TRAPPC9: variants seen among roughly 807,000 people sequenced by gnomAD.
TRAPPC9 encodes IKK2 binding protein.
Under a neutral mutation model 124.0 loss-of-function variants are expected in TRAPPC9, and 83 were observed. That is an observed-to-expected ratio of 0.67 (90% confidence interval 0.56 to 0.80). TRAPPC9 has a LOEUF of 0.80. Among genes scored for constraint, TRAPPC9 ranks in the 30% least tolerant of loss-of-function variants. The pLI, the probability that TRAPPC9 is intolerant of heterozygous loss-of-function variation, is 0.00. For missense variants in TRAPPC9, 1,302 were observed against 1,508.3 expected (o/e 0.86, Z 2.27); for synonymous variants, 638 against 617.5 (o/e 1.03, Z -0.49).
rs535416622 is a variant in TRAPPC9, at chr8:140,271,580, G to GA, written c.2278+4077dup. Among the ~76,000 whole-genome samples the GA allele has an allele frequency of 9.9e-5, 15 of 152,164 alleles. 1 individual carries two copies. The South Asian group carries it at 1.7e-3, about 17-fold the overall frequency. On this transcript the variant is annotated intron_variant, in intron 15 of 22. Coordinates refer to ENST00000438773, the MANE Select transcript of TRAPPC9 (RefSeq NM_001160372.4). Reference sequence around the variant, plus strand: ...GAGAGAGAGAAGACAACCAATGGGGGAAAAAAGGGCAAAGTCCTCATACAA... The same window carrying GA: ...GAGAGAGAGAAGACAACCAATGGGGGAAAAAAAGGGCAAAGTCCTCATACAA...
chr8:139,752,565 C>G (rs946540376), intron 21 of TRAPPC9, among the ~76,000 whole-genome samples: 1 of 149,252 alleles, frequency 6.7e-6, no homozygotes, highest in African/African-American at 2.5e-5. Context: ...CCACCATGTA[C>G]CCACCATCAA....
At chr8:140,335,705 A>ATTTTTT (rs10622473) in intron 9 of TRAPPC9, among the ~76,000 whole-genome samples, 16 of 131,692 alleles carry the variant, frequency 1.2e-4, no homozygotes, top group South Asian at 2.4e-4. Flanking sequence ...AGTCTTCACA[A>ATTTTTT]TTTTTTTTTT....
chr8:139,864,937 C>T (rs977658787), intron 21 of TRAPPC9, among the ~76,000 whole-genome samples: 3 of 152,194 alleles, frequency 2.0e-5, no homozygotes, highest in African/African-American at 4.8e-5. Flanking sequence ...CCATGAGCTC[C>T]GCAGGAACCA....
rs142048892 is a variant in TRAPPC9 at position 139,885,946 on chromosome 8, C to G, written c.2988G>C (p.Glu996Asp). The change falls in exon 21 of 23, where the codon GAG becomes GAC. Residue 996 changes from glutamate (E) to aspartate (D), a missense_variant. Glu to Asp is a conservative substitution (Grantham distance 45). This residue lies in a region of TRAPPC9 where 640 missense variants were observed against 679.3 expected (regional missense o/e 0.94). Transcript: ENST00000438773. ...WRIPSLKRSGEASVEGLLNQL... is the reference protein window; with the variant it reads ...WRIPSLKRSGDASVEGLLNQL... Reference sequence around the variant, plus strand: ...GGTTCAGGAGTCCTTCCACACTCGCCTCGCCACTGCGCTTCAGGGAGGGGT... The same window carrying G: ...GGTTCAGGAGTCCTTCCACACTCGCGTCGCCACTGCGCTTCAGGGAGGGGT... The G allele has an allele frequency of 6.4e-7, 1 of 1,570,188 alleles. No individual in the cohort carries two copies. The highest frequency in any genetic ancestry group is 1.9e-5 in the Admixed American group (1 of 53,854).
chr8:140,174,513 G>A (rs1012111293), intron 17 of TRAPPC9, among the ~76,000 whole-genome samples: 4 of 152,110 alleles, frequency 2.6e-5, no homozygotes, highest in Non-Finnish European at 4.4e-5. Context: ...TAATTTCGGA[G>A]TATTTCCATC....
chr8:140,092,354 C>T (rs1426215928), intron 17 of TRAPPC9, among the ~76,000 whole-genome samples: 1 of 151,830 alleles, frequency 6.6e-6, no homozygotes, highest in Non-Finnish European at 1.5e-5. Context: ...CCCGATGCCA[C>T]GCGAGGCTAA....
At chr8:140,334,697 T>C (rs2066989928) in intron 9 of TRAPPC9, among the ~76,000 whole-genome samples, 1 of 151,574 alleles carries the variant, frequency 6.6e-6, no homozygotes, top group Non-Finnish European at 1.5e-5. Context: ...AAGTTCCACA[T>C]GTATTGACTA....
At chr8:139,857,049 G>A (rs545649837) in intron 21 of TRAPPC9, among the ~76,000 whole-genome samples, 7 of 152,090 alleles carry the variant, frequency 4.6e-5, no homozygotes, top group Non-Finnish European at 8.8e-5. Flanking sequence ...GAATCTGGGC[G>A]GGGGGAGCTG....
chr8:140,118,412 A>G (rs2060928023), intron 17 of TRAPPC9, among the ~76,000 whole-genome samples: 1 of 152,256 alleles, frequency 6.6e-6, no homozygotes, highest in Admixed American at 6.5e-5. Context: ...AGATTCCGTT[A>G]GTAGTCAAAG....
chr8:140,267,076 C>T (rs925602649), intron 15 of TRAPPC9, among the ~76,000 whole-genome samples: 1 of 151,904 alleles, frequency 6.6e-6, no homozygotes, highest in South Asian at 2.1e-4. Flanking sequence ...GTCAGGAAAG[C>T]GAAGATGAGA....
chr8:139,851,650 A>G (rs1827472355), intron 21 of TRAPPC9, among the ~76,000 whole-genome samples: 1 of 152,106 alleles, frequency 6.6e-6, no homozygotes. Flanking sequence ...GGAAAACCGA[A>G]CCCAACGTTC....
intron 17 of TRAPPC9, among the ~76,000 whole-genome samples, chr8:140,136,188 A>T (rs2061300693): frequency 6.6e-6 from 1 of 151,708 alleles, no homozygotes; most frequent in African/African-American, 2.4e-5. Flanking sequence ...TGGCTTAGGG[A>T]CCAGTGGGCA....
chr8:140,176,890 T>C (rs377677399), intron 17 of TRAPPC9, among the ~76,000 whole-genome samples: 1 of 152,352 alleles, frequency 6.6e-6, no homozygotes, highest in African/African-American at 2.4e-5. Context: ...AGTTTGCATT[T>C]CCTTACTGAC....
chr8:140,401,085 G>A (rs796585124), intron 6 of TRAPPC9, among the ~76,000 whole-genome samples: 1 of 152,248 alleles, frequency 6.6e-6, no homozygotes, highest in African/African-American at 2.4e-5. Context: ...CTTTTGCTGG[G>A]GCATTAGGTC....
At position 139,728,416 on chromosome 8, in the gene TRAPPC9, G is replaced by A. The variant is rs1239294962; in HGVS notation, c.*2645C>T. Among the ~76,000 whole-genome samples the A allele has an allele frequency of 6.6e-6, 1 of 152,214 alleles. No individual in the cohort carries two copies. On this transcript the variant is annotated 3_prime_UTR_variant, in exon 23 of 23. Transcript: ENST00000438773. ...CTGAATGCACCAGGGGCCTAGAGAA[G>A]CAGCAACTGCTGGACTGTATTGCCA...
rs965885322 is a variant in TRAPPC9, at chr8:139,984,640, T to C, written c.2810+4086A>G. ...CGAAGTAAGGTAGAGCCATTTCCACTTCCTCCACCTGCACTGCTCTGCACA... is the reference window on the plus strand; with the variant it reads ...CGAAGTAAGGTAGAGCCATTTCCACCTCCTCCACCTGCACTGCTCTGCACA... On this transcript the variant is annotated intron_variant, in intron 19 of 22. Coordinates refer to ENST00000438773, the MANE Select transcript of TRAPPC9 (RefSeq NM_001160372.4). This position sits in a 1 kb window ranked among gnomAD's most constrained non-coding sequence, Gnocchi z 4.3. Among the ~76,000 whole-genome samples, 1 of 152,108 alleles carries C rather than the reference T, an allele frequency of 6.6e-6. No individual in the cohort carries two copies. The highest frequency in any genetic ancestry group is 1.5e-5 in the Non-Finnish European group (1 of 68,020).
At chr8:140,000,646 GGT>G (rs1295125683) in intron 18 of TRAPPC9, among the ~76,000 whole-genome samples, 1 of 152,180 alleles carries the variant, frequency 6.6e-6, no homozygotes, top group Non-Finnish European at 1.5e-5. Context: ...CACCATCACT[GGT>G]CATCAGAGAA....
At chr8:140,221,408 TGCAGAAGCCCGAACGGCACGTG>T (rs1379135051) in intron 17 of TRAPPC9, 29 bp downstream of exon 17, 4 of 1,611,928 alleles carry the variant, frequency 2.5e-6, no homozygotes, top group Non-Finnish European at 3.4e-6. Flanking sequence ...GAAACGGCTT[TGCAGAAGCCCGAACGGCACGTG>T]GCAGATGCCG....
At chr8:140,091,883 C>T (rs1470987246) in intron 17 of TRAPPC9, among the ~76,000 whole-genome samples, 1 of 152,164 alleles carries the variant, frequency 6.6e-6, no homozygotes, top group Non-Finnish European at 1.5e-5. Flanking sequence ...CCAACCCCAG[C>T]GTGCTTTCAA....
Sources: gnomAD v4.1 joint callset for allele counts (sites outside exome capture counted in the v4.1 genomes callset) on GRCh38, gnomAD v4.1.1 for gene constraint, gnomAD v4.1.1 regional missense constraint, Gnocchi (gnomAD v3.1) non-coding constraint, MANE v1.5 for transcripts, NCBI Gene and HGNC (gene_info 2026-07-23, HGNC 2026-07-21) for gene names.